The following FHOD3 variants were observed in gnomAD, a reference collection of about 807,000 sequenced individuals.
The protein encoded by FHOD3 is formin homology 2 domain containing 3.
A neutral mutation model predicts 173.0 loss-of-function variants in FHOD3; 90 were observed. The observed-to-expected ratio is 0.52, with a 90% CI of 0.44 to 0.62. The LOEUF is 0.62. Ranked by LOEUF, FHOD3 falls within the 20% of genes least tolerant of loss-of-function variation. FHOD3 has a pLI of 0.00. For missense variants in FHOD3, 1,945 were observed against 2,034.7 expected (o/e 0.96, Z 0.85); for synonymous variants, 828 against 823.0 (o/e 1.01, Z -0.10).
chr18:36,338,764 T>A (rs1052044537), intron 1 of FHOD3, among the ~76,000 whole-genome samples: 1 of 152,186 alleles, frequency 6.6e-6, no homozygotes, highest in African/African-American at 2.4e-5. Context: ...GTGTGGCTTC[T>A]GCTCCTGGGC....
At chr18:36,436,494 A>G (rs1205791647) in intron 3 of FHOD3, among the ~76,000 whole-genome samples, 1 of 152,236 alleles carries the variant, frequency 6.6e-6, no homozygotes, top group African/African-American at 2.4e-5. Flanking sequence ...ATCAGTGGGC[A>G]GAAAAAAAGT....
chr18:36,580,017 A>T (rs2058789402), intron 6 of FHOD3, among the ~76,000 whole-genome samples: 1 of 152,226 alleles, frequency 6.6e-6, no homozygotes, highest in South Asian at 2.1e-4. Context: ...CATCATATTG[A>T]TATTACTTTG....
chr18:36,705,745 TGA>T (rs2039839038), intron 17 of FHOD3, among the ~76,000 whole-genome samples: 1 of 152,194 alleles, frequency 6.6e-6, no homozygotes, highest in African/African-American at 2.4e-5. Context: ...CTGGTAACAG[TGA>T]GAAGTTGTAA....
At position 36,644,921 on chromosome 18, in the gene FHOD3, C is replaced by G. The variant is rs530412783; in HGVS notation, c.1197-4395C>G. ...AATCAAGGAATTTTGGAGGGAGGGGCTCAGTGTTTTGTTTTAAAGAGGAGA... is the reference window on the plus strand; with the variant it reads ...AATCAAGGAATTTTGGAGGGAGGGGGTCAGTGTTTTGTTTTAAAGAGGAGA... On this transcript the variant is annotated intron_variant, in intron 10 of 28. Transcript: ENST00000590592. Among the ~76,000 whole-genome samples the G allele has an allele frequency of 3.3e-5, 5 of 152,226 alleles. No individual in the cohort carries two copies. In the East Asian group the frequency reaches 7.7e-4, roughly 24 times the overall value.
chr18:36,675,530 T>G (rs2037797577), intron 14 of FHOD3, among the ~76,000 whole-genome samples: 1 of 152,142 alleles, frequency 6.6e-6, no homozygotes, highest in Non-Finnish European at 1.5e-5. Context: ...CAGCCTTCTG[T>G]GCCAGGAGCC....
chr18:36,539,260 A>G (rs769759014), intron 5 of FHOD3, among the ~76,000 whole-genome samples: 2 of 152,198 alleles, frequency 1.3e-5, no homozygotes, highest in Non-Finnish European at 2.9e-5. Flanking sequence ...ACTATATTCT[A>G]TAGACTGAGT....
At chr18:36,744,778 A>G (rs575701799) in intron 23 of FHOD3, among the ~76,000 whole-genome samples, 2 of 152,234 alleles carry the variant, frequency 1.3e-5, no homozygotes, top group Non-Finnish European at 2.9e-5. Flanking sequence ...ATTAGAAAAG[A>G]GACAGTCACA....
chr18:36,366,833 G>A (rs1288656694), intron 2 of FHOD3, among the ~76,000 whole-genome samples: 7 of 152,146 alleles, frequency 4.6e-5, no homozygotes, highest in Non-Finnish European at 1.0e-4. Flanking sequence ...ACTGTTGAGG[G>A]GGCCCTTGTC....
rs202164210 is a variant in FHOD3 at position 36,370,314 on chromosome 18, T to TA, written c.273-2358dup. Among the ~76,000 whole-genome samples the TA allele has an allele frequency of 4.7e-3, 720 of 151,860 alleles. 6 individuals are homozygous for TA. The highest frequency in any genetic ancestry group is 0.016 in the African/African-American group (678 of 41,432). The stretch of plus-strand genomic sequence containing the variant: ...GAGGAATTGTAAGTGATTAAACTTC[T>TA]AAAAAAAATAGGACTTTTTTTTTTC... On this transcript the variant is annotated intron_variant, in intron 2 of 28. Transcript: ENST00000590592.
At chr18:36,738,269 A>T (rs2041739084) in intron 20 of FHOD3, among the ~76,000 whole-genome samples, 1 of 152,268 alleles carries the variant, frequency 6.6e-6, no homozygotes, top group South Asian at 2.1e-4. Flanking sequence ...GGCAGTTATG[A>T]ATAAAGCTAC....
chr18:36,342,868 A>G (rs1325572012), intron 1 of FHOD3, among the ~76,000 whole-genome samples: 1 of 152,242 alleles, frequency 6.6e-6, no homozygotes, highest in Non-Finnish European at 1.5e-5. Flanking sequence ...AAGGATTTTA[A>G]TAGCTGTTTC....
intron 3 of FHOD3, among the ~76,000 whole-genome samples, chr18:36,426,109 T>A (rs2901795): frequency 0.82 from 125,001 of 151,588 alleles, 51,791 homozygotes; most frequent in East Asian, 0.93. Context: ...TTTCACCATG[T>A]TAGCCAGAAT....
intron 5 of FHOD3, among the ~76,000 whole-genome samples, chr18:36,570,139 T>C (rs1283415788): frequency 6.6e-6 from 1 of 151,930 alleles, no homozygotes; most frequent in Non-Finnish European, 1.5e-5. Context: ...AAAAATAAAA[T>C]TGACCAACAA....
chr18:36,346,538 G>A (rs2045886565), intron 1 of FHOD3, among the ~76,000 whole-genome samples: 1 of 152,114 alleles, frequency 6.6e-6, no homozygotes, highest in Non-Finnish European at 1.5e-5. Context: ...CTCCATGTTG[G>A]ACACCACCAT....
At chr18:36,581,391 T>G (rs1310384910) in intron 6 of FHOD3, among the ~76,000 whole-genome samples, 1 of 152,228 alleles carries the variant, frequency 6.6e-6, no homozygotes, top group African/African-American at 2.4e-5. Flanking sequence ...GGGGAAGGCC[T>G]CAGGGCCCTG....
At chr18:36,710,704 T>C (rs2040125203) in intron 18 of FHOD3, 1 of 152,224 alleles carries the variant, frequency 6.6e-6, no homozygotes. Flanking sequence ...TGGTTGAATA[T>C]GTATGTGCCA....
chr18:36,524,921 T>C (rs898491224), intron 5 of FHOD3, among the ~76,000 whole-genome samples: 1 of 152,062 alleles, frequency 6.6e-6, no homozygotes. Context: ...CAGAGAACAA[T>C]GCAAACGAAA....
intron 14 of FHOD3, among the ~76,000 whole-genome samples, chr18:36,674,378 A>T (rs942544476): frequency 6.6e-6 from 1 of 152,048 alleles, no homozygotes; most frequent in African/African-American, 2.4e-5. Flanking sequence ...TCTTTTAAAA[A>T]TTTATTTTTA....
chr18:36,652,454 A>G (rs2036122819), intron 11 of FHOD3, 116 bp from the exon 12 acceptor site: 2 of 1,253,330 alleles, frequency 1.6e-6, no homozygotes, highest in Non-Finnish European at 2.1e-6. Flanking sequence ...TTGACTTTGA[A>G]GTGAGTGATA....
Sources: gnomAD v4.1 joint callset for allele counts (sites outside exome capture counted in the v4.1 genomes callset) on GRCh38, gnomAD v4.1.1 for gene constraint, MANE v1.5 for transcripts, NCBI Gene and HGNC (gene_info 2026-07-23, HGNC 2026-07-21) for gene names.